DCLK1: variants seen among roughly 807,000 people sequenced by gnomAD.
DCLK1 encodes serine/threonine-protein kinase DCLK1.
A neutral mutation model predicts 86.2 loss-of-function variants in DCLK1; 16 were observed. The observed-to-expected ratio is 0.19, with a 90% CI of 0.13 to 0.28. The LOEUF (loss-of-function observed/expected upper bound fraction) is 0.28, where lower values mean the gene tolerates loss of function less well. DCLK1 is among the 10% of genes least tolerant of loss of function. The pLI, the probability that DCLK1 is intolerant of heterozygous loss-of-function variation, is 1.00. For missense variants in DCLK1, 590 were observed against 940.2 expected, an observed-to-expected ratio of 0.63 and a Z score of 4.87; for synonymous variants, 369 against 370.5, an observed-to-expected ratio of 1.00 and a Z score of 0.05.
At chr13:35,927,400 A>C (rs1351590382) in intron 4 of DCLK1, among the ~76,000 whole-genome samples, 1 of 152,202 alleles carries the variant, frequency 6.6e-6, no homozygotes, top group Non-Finnish European at 1.5e-5. Flanking sequence ...GAAGGGAGTG[A>C]TCAGCCTCCC....
intron 3 of DCLK1, among the ~76,000 whole-genome samples, chr13:35,998,014 G>C (rs1187383685): frequency 1.3e-5 from 2 of 152,062 alleles, no homozygotes; most frequent in African/African-American, 4.8e-5. Context: ...ATCATCACTC[G>C]ATCAATTCTT....
chr13:35,822,336 T>G (rs1172321485), intron 11 of DCLK1, among the ~76,000 whole-genome samples: 1 of 151,980 alleles, frequency 6.6e-6, no homozygotes, highest in Non-Finnish European at 1.5e-5. Flanking sequence ...AAAAATTTTT[T>G]TTGTGTAGAG....
chr13:36,062,566 T>A (rs1883589411), intron 3 of DCLK1, among the ~76,000 whole-genome samples: 1 of 152,188 alleles, frequency 6.6e-6, no homozygotes, highest in African/African-American at 2.4e-5. Flanking sequence ...GATGGATCCT[T>A]AAAATGAAAA....
intron 3 of DCLK1, among the ~76,000 whole-genome samples, chr13:35,962,704 T>C (rs531569308): frequency 4.6e-5 from 7 of 152,356 alleles, no homozygotes; most frequent in African/African-American, 1.4e-4. Context: ...TAGTTAAGTT[T>C]CAGAGGGTTT....
At chr13:35,778,440 A>G (rs1446056365) in intron 16 of DCLK1, among the ~76,000 whole-genome samples, 1 of 152,022 alleles carries the variant, frequency 6.6e-6, no homozygotes, top group African/African-American at 2.4e-5. Context: ...TTCCCTTTGC[A>G]TACCTCCTCA....
intron 10 of DCLK1, among the ~76,000 whole-genome samples, 199 bp downstream of exon 10, chr13:35,827,436 C>T (rs1868568370): frequency 6.6e-6 from 1 of 152,098 alleles, no homozygotes. Context: ...GAGGTAGACC[C>T]AAAGTCATGG....
chr13:36,036,378 C>T (rs1279208679), intron 3 of DCLK1, among the ~76,000 whole-genome samples: 1 of 152,222 alleles, frequency 6.6e-6, no homozygotes, highest in Non-Finnish European at 1.5e-5. Context: ...CCGGCTCGAC[C>T]TCGAATTCTT....
intron 4 of DCLK1, among the ~76,000 whole-genome samples, chr13:35,882,806 G>A (rs140386681): frequency 5.9e-5 from 9 of 152,248 alleles, no homozygotes; most frequent in Non-Finnish European, 1.2e-4. Context: ...TTTACGTGCC[G>A]GGATACTGTA....
intron 3 of DCLK1, among the ~76,000 whole-genome samples, chr13:36,036,609 G>A (rs1214733314): frequency 6.6e-6 from 1 of 152,076 alleles, no homozygotes; most frequent in Non-Finnish European, 1.5e-5. Flanking sequence ...ATATGTGTGT[G>A]TATGTGTAGG....
At chr13:35,900,282 C>G (rs1373310799) in intron 4 of DCLK1, among the ~76,000 whole-genome samples, 1 of 150,750 alleles carries the variant, frequency 6.6e-6, no homozygotes, top group African/African-American at 2.4e-5. Context: ...GCTCTGTTGC[C>G]CAGGCTGGAG....
At chr13:35,981,438 C>A (rs1879634714) in intron 3 of DCLK1, among the ~76,000 whole-genome samples, 1 of 152,132 alleles carries the variant, frequency 6.6e-6, no homozygotes, top group Non-Finnish European at 1.5e-5. Context: ...CTATCAACAT[C>A]CAGCACCAGA....
chr13:35,918,094 A>C (rs560623828), intron 4 of DCLK1, among the ~76,000 whole-genome samples: 1 of 152,336 alleles, frequency 6.6e-6, no homozygotes, highest in South Asian at 2.1e-4. Context: ...CTAAGATGTG[A>C]TCATTTCAAG....
chr13:36,127,069 C>A (rs1225127460), intron 1 of DCLK1, among the ~76,000 whole-genome samples: 1 of 152,128 alleles, frequency 6.6e-6, no homozygotes, highest in African/African-American at 2.4e-5. Flanking sequence ...CTATGGTGGG[C>A]TGGGACAGAA....
At position 35,981,228 on chromosome 13, in the gene DCLK1, T is replaced by G. The variant is rs188827254; in HGVS notation, c.724-33771A>C. ...TAGAAGTGGAATAAAAAGTGTTTTGTTTTTTTTTTGTGACAGGCTTATATC... is the reference window on the plus strand; with the variant it reads ...TAGAAGTGGAATAAAAAGTGTTTTGGTTTTTTTTTGTGACAGGCTTATATC... On this transcript the variant is annotated intron_variant, in intron 3 of 16. Coordinates refer to ENST00000360631, the MANE Select transcript of DCLK1 (RefSeq NM_001330071.2). 3.0e-3 allele frequency among the ~76,000 whole-genome samples: 430 copies of G among 145,722 alleles called. 5 individuals are homozygous for G. Among genetic ancestry groups the G allele is most frequent in the African/African-American group, 5.7e-3 (221 of 38,704 alleles).
intron 4 of DCLK1, among the ~76,000 whole-genome samples, chr13:35,888,061 G>A (rs1351618418): frequency 6.6e-6 from 1 of 151,998 alleles, no homozygotes; most frequent in Non-Finnish European, 1.5e-5. Flanking sequence ...TTTTTTAAGA[G>A]TGAGTTAATT....
At chr13:35,928,796 T>C (rs1008095481) in intron 4 of DCLK1, among the ~76,000 whole-genome samples, 2 of 152,220 alleles carry the variant, frequency 1.3e-5, no homozygotes, top group Non-Finnish European at 2.9e-5. Context: ...TGCAATATAA[T>C]AAATTGAATT....
intron 3 of DCLK1, among the ~76,000 whole-genome samples, chr13:35,959,597 A>T (rs191553182): frequency 2.0e-5 from 3 of 152,322 alleles, no homozygotes; most frequent in Admixed American, 1.3e-4. Context: ...TATAAAAAAC[A>T]TTGTGTATTC....
chr13:35,936,072 G>T (rs2153130280), intron 4 of DCLK1, among the ~76,000 whole-genome samples: 1 of 152,228 alleles, frequency 6.6e-6, no homozygotes, highest in East Asian at 1.9e-4. Context: ...AACCTGAAAG[G>T]AGCTTAAGAG....
At chr13:36,049,381 C>T (rs1883048510) in intron 3 of DCLK1, among the ~76,000 whole-genome samples, 3 of 152,138 alleles carry the variant, frequency 2.0e-5, no homozygotes, top group Admixed American at 1.3e-4. Flanking sequence ...ATGTCTCTTT[C>T]AGGAGACATT....
Sources: allele counts gnomAD v4.1 joint callset (sites outside exome capture counted in the v4.1 genomes callset), GRCh38; gene constraint gnomAD v4.1.1; transcripts MANE v1.5; gene names NCBI Gene and HGNC (gene_info 2026-07-23, HGNC 2026-07-21).